NCK1: variants seen among roughly 807,000 people sequenced by gnomAD.
NCK1 encodes NCK adaptor protein 1.
NCK1 carries 19 observed loss-of-function variants against 36.6 expected under a neutral mutation model. That is an observed-to-expected ratio of 0.52 (90% CI 0.36 to 0.76). The LOEUF is 0.76. NCK1 is among the 30% of genes least tolerant of loss of function. NCK1 has a pLI of 0.00. For synonymous variants in NCK1, 165 were observed against 156.0 expected, an observed-to-expected ratio of 1.06 and a Z score of -0.43; for missense variants, 358 against 445.6, an observed-to-expected ratio of 0.80 and a Z score of 1.77.
At chr3:136,895,751 G>A (rs1004935771) in intron 1 of NCK1, among the ~76,000 whole-genome samples, 1 of 152,020 alleles carries the variant, frequency 6.6e-6, no homozygotes, top group Non-Finnish European at 1.5e-5. Context: ...TTTTAGTAGA[G>A]ACAGGGTTTT....
chr3:136,944,619 G>A (rs1041405129), intron 2 of NCK1, among the ~76,000 whole-genome samples: 5 of 152,168 alleles, frequency 3.3e-5, no homozygotes, highest in Admixed American at 6.5e-5. Flanking sequence ...CAAGGATGTC[G>A]AGAGTCCCAA....
intron 1 of NCK1, among the ~76,000 whole-genome samples, chr3:136,923,553 C>G (rs1377326621): frequency 1.9e-5 from 2 of 104,330 alleles, no homozygotes; most frequent in African/African-American, 4.2e-5. Flanking sequence ...GTGCGAGACT[C>G]CGTCTCAAAT....
chr3:136,881,373 C>G (rs140646437), intron 1 of NCK1, among the ~76,000 whole-genome samples: 1 of 152,252 alleles, frequency 6.6e-6, no homozygotes, highest in East Asian at 1.9e-4. Context: ...GTGCACGCCA[C>G]TACGCCCGGC....
chr3:136,864,771 T>A (rs1938362798), intron 1 of NCK1, among the ~76,000 whole-genome samples: 1 of 146,856 alleles, frequency 6.8e-6, no homozygotes, highest in African/African-American at 2.5e-5. Context: ...CTTTTTTTTT[T>A]TTTTTTTTGA....
At chr3:136,879,305 A>G (rs1311891873) in intron 1 of NCK1, among the ~76,000 whole-genome samples, 1 of 152,166 alleles carries the variant, frequency 6.6e-6, no homozygotes, top group Non-Finnish European at 1.5e-5. Context: ...AAAAGAAGGA[A>G]TTATCAGTAA....
chr3:136,899,820 A>G (rs1223501738), intron 1 of NCK1: 6 of 1,485,438 alleles, frequency 4.0e-6, no homozygotes, highest in Non-Finnish European at 5.6e-6. Flanking sequence ...TGATAAAGCT[A>G]GTGCAACTTC....
At chr3:136,935,340 A>G (rs1217341528) in intron 2 of NCK1, among the ~76,000 whole-genome samples, 1 of 152,174 alleles carries the variant, frequency 6.6e-6, no homozygotes, top group Non-Finnish European at 1.5e-5. Context: ...ATTTTCAAAA[A>G]TATCATTTGA....
At chr3:136,919,758 T>C (rs758830972) in intron 1 of NCK1, among the ~76,000 whole-genome samples, 1 of 152,154 alleles carries the variant, frequency 6.6e-6, no homozygotes, top group Non-Finnish European at 1.5e-5. Flanking sequence ...GTTGGCTGTG[T>C]ATATAGGTCA....
At chr3:136,894,732 A>G (rs574579180) in intron 1 of NCK1, among the ~76,000 whole-genome samples, 4 of 152,300 alleles carry the variant, frequency 2.6e-5, no homozygotes, top group East Asian at 3.9e-4. Flanking sequence ...AAAGGTTCCA[A>G]TTCCATCCTG....
At chr3:136,884,313 A>G (rs1939018688) in intron 1 of NCK1, among the ~76,000 whole-genome samples, 1 of 152,220 alleles carries the variant, frequency 6.6e-6, no homozygotes, top group Non-Finnish European at 1.5e-5. Flanking sequence ...ATCCCTTGTC[A>G]TATGCATTTG....
intron 1 of NCK1, among the ~76,000 whole-genome samples, chr3:136,893,693 C>A (rs1939317098): frequency 6.6e-6 from 1 of 152,184 alleles, no homozygotes; most frequent in Non-Finnish European, 1.5e-5. Flanking sequence ...ATAGAATCTA[C>A]ATCTTGCTTT....
intron 1 of NCK1, among the ~76,000 whole-genome samples, chr3:136,926,320 G>C (rs987603637): frequency 6.6e-6 from 1 of 151,674 alleles, no homozygotes; most frequent in Non-Finnish European, 1.5e-5. Context: ...TGCGGCCCAG[G>C]CTGGAGTGCA....
chr3:136,896,996 A>G (rs1380199298), intron 1 of NCK1, among the ~76,000 whole-genome samples: 1 of 152,200 alleles, frequency 6.6e-6, no homozygotes, highest in Non-Finnish European at 1.5e-5. Flanking sequence ...AGGTTTCCAA[A>G]AAGTATGTAC....
chr3:136,930,433 TG>T, intron 2 of NCK1: 1 of 1,232,832 alleles, frequency 8.1e-7, no homozygotes, highest in Non-Finnish European at 1.0e-6. Flanking sequence ...TTCTATTGCC[TG>T]GGTGTGGGCC....
chr3:136,910,323 TC>T (rs1324621613), intron 1 of NCK1, among the ~76,000 whole-genome samples: 1 of 152,200 alleles, frequency 6.6e-6, no homozygotes, highest in Non-Finnish European at 1.5e-5. Flanking sequence ...TAGAGTAACT[TC>T]CTGTACAGCT....
chr3:136,873,062 TGAGAA>T (rs1168491431), intron 1 of NCK1, among the ~76,000 whole-genome samples: 3 of 152,114 alleles, frequency 2.0e-5, no homozygotes, highest in Admixed American at 6.5e-5. Flanking sequence ...AGTGGAGCTG[TGAGAA>T]GAGGGCCACC....
intron 1 of NCK1, among the ~76,000 whole-genome samples, chr3:136,876,798 A>G (rs886656690): frequency 6.6e-6 from 1 of 152,190 alleles, no homozygotes; most frequent in Middle Eastern, 3.2e-3. Context: ...GTAACTGCTA[A>G]GCAGTGTTTG....
intron 3 of NCK1, 21 bp from the exon 4 acceptor site, chr3:136,948,238 T>G: frequency 6.4e-7 from 1 of 1,558,948 alleles, no homozygotes. Flanking sequence ...TTACTATATG[T>G]ATCTTTTTTT....
rs1940935094 is a variant in NCK1, at chr3:136,950,156, G to A, written c.*1703G>A. ...TGAGGAAAACTTTAAATTGTTGTAGGATGACTAGTAGTAAACATCATCTTA... is the reference window on the plus strand; with the variant it reads ...TGAGGAAAACTTTAAATTGTTGTAGAATGACTAGTAGTAAACATCATCTTA... On this transcript the variant is annotated 3_prime_UTR_variant, in exon 4 of 4. Transcript: ENST00000481752. 6.6e-6 allele frequency among the ~76,000 whole-genome samples: 1 copy of A among 152,072 alleles called. No homozygotes were observed. The highest frequency in any genetic ancestry group is 1.5e-5 in the Non-Finnish European group (1 of 67,964).
Sources: gnomAD v4.1 joint callset for allele counts (sites outside exome capture counted in the v4.1 genomes callset) on GRCh38, gnomAD v4.1.1 for gene constraint, MANE v1.5 for transcripts, NCBI Gene and HGNC (gene_info 2026-07-23, HGNC 2026-07-21) for gene names.